EPHA6: variants seen among roughly 807,000 people sequenced by gnomAD.
EPHA6 encodes ephrin type-A receptor 6.
EPHA6 carries 50 observed loss-of-function variants against 112.0 expected under a neutral mutation model. The observed-to-expected ratio is 0.45, with a 90% CI of 0.36 to 0.56. The LOEUF (loss-of-function observed/expected upper bound fraction) is 0.56, where lower values mean the gene tolerates loss of function less well. Ranked by LOEUF, EPHA6 falls within the 20% of genes least tolerant of loss-of-function variation. The pLI, the probability that EPHA6 is intolerant of heterozygous loss-of-function variation, is 0.00. For synonymous variants in EPHA6, 529 were observed against 490.7 expected (o/e 1.08, Z -1.03); for missense variants, 1,280 against 1,417.4 (o/e 0.90, Z 1.56).
intron 2 of EPHA6, among the ~76,000 whole-genome samples, chr3:96,888,801 G>T (rs1404220965): frequency 6.6e-6 from 1 of 152,160 alleles, no homozygotes; most frequent in South Asian, 2.1e-4. Context: ...TCAGCTCCTT[G>T]TTACTTATGC....
At chr3:97,432,590 A>G (rs1463719491) in intron 6 of EPHA6, among the ~76,000 whole-genome samples, 1 of 152,184 alleles carries the variant, frequency 6.6e-6, no homozygotes, top group Non-Finnish European at 1.5e-5. Flanking sequence ...AATAAAGTGT[A>G]TTAGTCTGTT....
chr3:97,187,501 G>A (rs1465966701), intron 3 of EPHA6, among the ~76,000 whole-genome samples: 3 of 151,376 alleles, frequency 2.0e-5, no homozygotes, highest in East Asian at 2.0e-4. Context: ...GCCCAGGGGG[G>A]CAGAGGTTGC....
At chr3:97,717,231 C>CAAAAAAA (rs748817650) in intron 14 of EPHA6, among the ~76,000 whole-genome samples, 1 of 48,772 alleles carries the variant, frequency 2.1e-5, no homozygotes, top group Non-Finnish European at 5.1e-5. Context: ...AACTCCATCT[C>CAAAAAAA]AAAAAAAAAA....
intron 5 of EPHA6, among the ~76,000 whole-genome samples, chr3:97,382,663 A>ACT (rs2085822503): frequency 1.3e-5 from 2 of 152,026 alleles, no homozygotes; most frequent in African/African-American, 4.8e-5. Flanking sequence ...ACTCTTACAA[A>ACT]GATGGATCAG....
At chr3:97,637,779 A>T in intron 13 of EPHA6, 94 bp from the exon 14 acceptor site, 1 of 893,982 alleles carries the variant, frequency 1.1e-6, no homozygotes, top group Non-Finnish European at 1.8e-6. Context: ...TCTTCATTTG[A>T]TCCAATAAAA....
chr3:97,142,412 A>C (rs537290533), intron 3 of EPHA6, among the ~76,000 whole-genome samples: 29 of 152,110 alleles, frequency 1.9e-4, no homozygotes, highest in Non-Finnish European at 3.5e-4. Context: ...AACCATAAGC[A>C]AAATTGATAG....
chr3:96,950,316 A>G (rs938566069), intron 2 of EPHA6, among the ~76,000 whole-genome samples: 15 of 152,126 alleles, frequency 9.9e-5, no homozygotes, highest in Admixed American at 1.3e-4. Context: ...TACTAATGCC[A>G]TGCCCTCACC....
chr3:97,559,158 A>G (rs2093154426), intron 11 of EPHA6, among the ~76,000 whole-genome samples: 1 of 152,028 alleles, frequency 6.6e-6, no homozygotes, highest in Admixed American at 6.6e-5. Context: ...TAGAATTAAA[A>G]CAAACTGCTA....
rs1021313974 is a variant in EPHA6, at chr3:97,517,436, C to A, written c.2201-14922C>A. Among the ~76,000 whole-genome samples, 7 of 151,798 alleles carry A rather than the reference C, an allele frequency of 4.6e-5. No individual in the cohort carries two copies. In the East Asian group the frequency reaches 1.4e-3, roughly 29 times the overall value. On this transcript the variant is annotated intron_variant, in intron 10 of 17. Coordinates refer to ENST00000389672, the MANE Select transcript of EPHA6 (RefSeq NM_001080448.3). ...AAGTAAAGGCAATTCTATGATTAGACGTCTGGGTTTTTTTTTCTTTTTCAT... is the reference window on the plus strand; with the variant it reads ...AAGTAAAGGCAATTCTATGATTAGAAGTCTGGGTTTTTTTTTCTTTTTCAT...
intron 7 of EPHA6, among the ~76,000 whole-genome samples, chr3:97,462,186 GTAA>G (rs1459367726): frequency 2.6e-5 from 4 of 152,054 alleles, no homozygotes; most frequent in African/African-American, 9.7e-5. Flanking sequence ...TTAAATGTAG[GTAA>G]TAATACTACC....
Position 96,920,218 on chromosome 3 carries a change from C to A in EPHA6, c.450+53329C>A, listed in dbSNP as rs187899735. ...TGAACTTTCATTTTTAGTGACCTCT[C>A]TTCCTACAGCCAAAGATGATTGAAT... On this transcript the variant is annotated intron_variant, in intron 2 of 17. Coordinates refer to ENST00000389672, the MANE Select transcript of EPHA6 (RefSeq NM_001080448.3). Among the ~76,000 whole-genome samples the A allele has an allele frequency of 1.9e-3, 282 of 151,964 alleles. 1 individual carries two copies. Among genetic ancestry groups the A allele is most frequent in the Admixed American group, 3.9e-3 (59 of 15,260 alleles).
rs548443341 is a variant in EPHA6, at chr3:97,510,377, A to G, written c.2201-21981A>G. Among the ~76,000 whole-genome samples the G allele has an allele frequency of 2.0e-5, 3 of 152,158 alleles. No individual in the cohort carries two copies. In the East Asian group the frequency reaches 5.8e-4, roughly 29 times the overall value. On this transcript the variant is annotated intron_variant, in intron 10 of 17. Transcript: ENST00000389672. ...ACCTTAGGATGGGGTTTCTGTGTGGACATCCTTTTTGTTGGTGTTGATGCT... is the reference window on the plus strand; with the variant it reads ...ACCTTAGGATGGGGTTTCTGTGTGGGCATCCTTTTTGTTGGTGTTGATGCT...
At chr3:96,863,201 TA>T (rs2036107566) in intron 1 of EPHA6, among the ~76,000 whole-genome samples, 1 of 152,126 alleles carries the variant, frequency 6.6e-6, no homozygotes, top group Middle Eastern at 3.4e-3. Context: ...GCTATTATAT[TA>T]AAAATGGAAA....
At chr3:97,545,614 T>C (rs1212133175) in intron 11 of EPHA6, among the ~76,000 whole-genome samples, 1 of 152,176 alleles carries the variant, frequency 6.6e-6, no homozygotes, top group East Asian at 1.9e-4. Context: ...AATTCCTGGG[T>C]ATCCTTGCTA....
intron 14 of EPHA6, among the ~76,000 whole-genome samples, chr3:97,659,116 G>C (rs1255027341): frequency 6.6e-6 from 1 of 151,960 alleles, no homozygotes; most frequent in Non-Finnish European, 1.5e-5. Flanking sequence ...TAACTGCGAA[G>C]TTTCCCAGAC....
rs1219479769 is a variant in EPHA6 at position 97,585,768 on chromosome 3, TGTG to T, written c.2387-6843_2387-6841del. 3.5e-3 allele frequency among the ~76,000 whole-genome samples: 537 copies of T among 152,278 alleles called. 5 individuals are homozygous for T. The highest frequency in any genetic ancestry group is 0.012 in the African/African-American group (517 of 41,528). ...AGAATTTAGATAATGGACAAAGTTA[TGTG>T]ATTGCATCTTTGGATTAGTTTAGTC... is the stretch of plus-strand genomic sequence containing the variant. On this transcript the variant is annotated intron_variant, in intron 11 of 17. Coordinates refer to ENST00000389672, the MANE Select transcript of EPHA6 (RefSeq NM_001080448.3).
intron 2 of EPHA6, among the ~76,000 whole-genome samples, chr3:96,918,889 T>C (rs2039617966): frequency 6.6e-6 from 1 of 151,974 alleles, no homozygotes; most frequent in Non-Finnish European, 1.5e-5. Context: ...AGAAAAATGT[T>C]TGTAGCTATA....
chr3:97,328,054 C>CACATAT (rs372533674), intron 5 of EPHA6, among the ~76,000 whole-genome samples: 37 of 120,872 alleles, frequency 3.1e-4, no homozygotes, highest in African/African-American at 1.1e-3. Flanking sequence ...CATATATACA[C>CACATAT]ATATATATAT....
At chr3:97,367,206 TAATACAGTATTATATTAA>T (rs1323693220) in intron 5 of EPHA6, among the ~76,000 whole-genome samples, 6 of 152,210 alleles carry the variant, frequency 3.9e-5, no homozygotes, top group Non-Finnish European at 8.8e-5. Context: ...TACACTACAG[TAATACAGTATTATATTAA>T]TGTGTTAACG....
Sources: gnomAD v4.1 joint callset for allele counts (sites outside exome capture counted in the v4.1 genomes callset) on GRCh38, gnomAD v4.1.1 for gene constraint, MANE v1.5 for transcripts, NCBI Gene and HGNC (gene_info 2026-07-23, HGNC 2026-07-21) for gene names.